The following RIMS2 variants were observed in gnomAD, a reference collection of about 807,000 sequenced individuals.
The protein encoded by RIMS2 is regulating synaptic membrane exocytosis protein 2.
RIMS2 carries 59 observed loss-of-function variants against 174.4 expected under a neutral mutation model. That is an observed-to-expected ratio of 0.34 (90% CI 0.27 to 0.42). The LOEUF is 0.42. RIMS2 is among the 10% of genes least tolerant of loss of function. The probability of loss-of-function intolerance (pLI) is 1.00; values close to 1 mark genes in which losing one functional copy is unlikely to be tolerated. For missense variants in RIMS2, 1,620 were observed against 1,666.3 expected (o/e 0.97, Z 0.48); for synonymous variants, 606 against 572.5 (o/e 1.06, Z -0.84).
intron 19 of RIMS2, among the ~76,000 whole-genome samples, chr8:104,051,460 G>A (rs1384481033): frequency 6.6e-6 from 1 of 151,994 alleles, no homozygotes; most frequent in Non-Finnish European, 1.5e-5. Flanking sequence ...TTAGAGTAAA[G>A]GGGTGAGAAT....
chr8:103,595,708 T>C (rs1272668959), intron 1 of RIMS2, among the ~76,000 whole-genome samples: 1 of 151,936 alleles, frequency 6.6e-6, no homozygotes, highest in Admixed American at 6.6e-5. Flanking sequence ...TTCATTCTTC[T>C]TGGGGAGCAG....
chr8:104,235,885 A>C (rs568318417), intron 19 of RIMS2, among the ~76,000 whole-genome samples: 39 of 152,154 alleles, frequency 2.6e-4, no homozygotes, highest in African/African-American at 8.9e-4. Context: ...GTTGTCCCCC[A>C]AAAAAATGTT....
chr8:103,888,673 T>A (rs1009255258), intron 4 of RIMS2, among the ~76,000 whole-genome samples: 10 of 151,594 alleles, frequency 6.6e-5, no homozygotes, highest in Admixed American at 2.0e-4. Flanking sequence ...ATTTTAGTAT[T>A]CTGAAGTATC....
intron 3 of RIMS2, among the ~76,000 whole-genome samples, chr8:103,839,342 T>C (rs958059352): frequency 6.6e-6 from 1 of 152,236 alleles, no homozygotes; most frequent in Non-Finnish European, 1.5e-5. Context: ...ATATTATGTT[T>C]TCATCTTGAG....
intron 19 of RIMS2, among the ~76,000 whole-genome samples, chr8:104,063,719 A>C (rs746542413): frequency 6.6e-6 from 1 of 152,158 alleles, no homozygotes; most frequent in South Asian, 2.1e-4. Flanking sequence ...ATTTTGTTTA[A>C]GACTACAAGA....
At chr8:104,142,327 C>T (rs1179582850) in intron 19 of RIMS2, among the ~76,000 whole-genome samples, 1 of 151,870 alleles carries the variant, frequency 6.6e-6, no homozygotes, top group Admixed American at 6.6e-5. Flanking sequence ...TGGGGTTTTG[C>T]CATGTTGGCC....
chr8:103,963,251 C>T (rs1395152018), intron 15 of RIMS2, among the ~76,000 whole-genome samples: 1 of 152,026 alleles, frequency 6.6e-6, no homozygotes, highest in Admixed American at 6.6e-5. Context: ...TATACATATA[C>T]AAAATGCGCA....
intron 4 of RIMS2, among the ~76,000 whole-genome samples, chr8:103,901,454 A>G (rs796893899): frequency 6.6e-6 from 1 of 152,264 alleles, no homozygotes; most frequent in African/African-American, 2.4e-5. Context: ...TACCTTTATA[A>G]TTAACACTTG....
chr8:103,501,717 C>T (rs928478833), intron 1 of RIMS2: 8 of 152,420 alleles, frequency 5.2e-5, no homozygotes, highest in Non-Finnish European at 7.3e-5. Context: ...GCTGCTCTTC[C>T]TGTTTGCAAC....
chr8:104,004,175 G>A (rs774542990), intron 17 of RIMS2, among the ~76,000 whole-genome samples: 1 of 152,178 alleles, frequency 6.6e-6, no homozygotes, highest in Non-Finnish European at 1.5e-5. Context: ...TGAACTTGAA[G>A]TTACCTAAGC....
At chr8:103,508,690 C>A (rs1021530745) in intron 1 of RIMS2, among the ~76,000 whole-genome samples, 1 of 151,964 alleles carries the variant, frequency 6.6e-6, no homozygotes, top group African/African-American at 2.4e-5. Context: ...GAACAAAAAC[C>A]ACTCTCATTT....
At chr8:103,950,346 A>G (rs1006561428) in intron 14 of RIMS2, among the ~76,000 whole-genome samples, 1 of 152,160 alleles carries the variant, frequency 6.6e-6, no homozygotes, top group African/African-American at 2.4e-5. Context: ...CCTCATGAAA[A>G]TTTTAGCAAA....
At chr8:103,533,534 T>C (rs1838247468) in intron 1 of RIMS2, among the ~76,000 whole-genome samples, 1 of 151,802 alleles carries the variant, frequency 6.6e-6, no homozygotes, top group Non-Finnish European at 1.5e-5. Context: ...TGCTAAGATG[T>C]GTTAAAAACT....
At chr8:103,669,974 C>G (rs767829283) in intron 1 of RIMS2, among the ~76,000 whole-genome samples, 3 of 152,246 alleles carry the variant, frequency 2.0e-5, no homozygotes, top group Non-Finnish European at 4.4e-5. Flanking sequence ...CCCCACATTT[C>G]CCTTCTGCAC....
chr8:103,554,030 A>G (rs1050748575), intron 1 of RIMS2, among the ~76,000 whole-genome samples: 1 of 152,146 alleles, frequency 6.6e-6, no homozygotes, highest in African/African-American at 2.4e-5. Flanking sequence ...CCTTCCTTAT[A>G]CCTTATACAA....
At chr8:103,845,657 A>G (rs772573292) in intron 3 of RIMS2, among the ~76,000 whole-genome samples, 1 of 152,054 alleles carries the variant, frequency 6.6e-6, no homozygotes, top group African/African-American at 2.4e-5. Flanking sequence ...ATACATGTCA[A>G]ATATGCTTTT....
chr8:103,608,458 C>T lies in RIMS2; in HGVS notation c.177-88628C>T, dbSNP rs62527083. 2.1e-5 allele frequency among the ~76,000 whole-genome samples: 3 copies of T among 144,426 alleles called. No individual in the cohort carries two copies. The East Asian group carries it at 5.8e-4, about 28-fold the overall frequency. 94.7% of individuals were successfully genotyped at this position (144,426 alleles called of 152,430 possible). A position where few individuals can be genotyped will look rare whatever the true frequency, so the allele number is the denominator to read the frequency against. ...TGCTGTCTTTTTGTTTGTCTGTGCC[C>T]TGCCCCCAGAGGTGGAGCCTACAGA... On this transcript the variant is annotated intron_variant, in intron 1 of 23. Coordinates refer to ENST00000504942, the Ensembl canonical transcript of RIMS2.
chr8:104,130,200 G>T (rs953192155), intron 19 of RIMS2, among the ~76,000 whole-genome samples: 3 of 152,144 alleles, frequency 2.0e-5, no homozygotes, highest in African/African-American at 7.2e-5. Context: ...TTTCCATAAT[G>T]GATATATAGT....
chr8:103,841,494 G>A (rs915552247), intron 3 of RIMS2, among the ~76,000 whole-genome samples: 2 of 151,922 alleles, frequency 1.3e-5, no homozygotes, highest in Non-Finnish European at 2.9e-5. Flanking sequence ...ATCATCATAA[G>A]AATTTCAGTC....
Sources: allele counts gnomAD v4.1 joint callset (sites outside exome capture counted in the v4.1 genomes callset), GRCh38; gene constraint gnomAD v4.1.1; transcripts MANE v1.5; gene names NCBI Gene and HGNC (gene_info 2026-07-23, HGNC 2026-07-21).